The following DCAF6 variants were observed in gnomAD, a reference collection of about 807,000 sequenced individuals.
The protein encoded by DCAF6 is DDB1 and CUL4 associated factor 6.
Under a neutral mutation model 125.1 loss-of-function variants are expected in DCAF6, and 54 were observed. That is an observed-to-expected ratio of 0.43 (90% CI 0.35 to 0.54). The LOEUF (loss-of-function observed/expected upper bound fraction) is 0.54, where lower values mean the gene tolerates loss of function less well. Among genes scored for constraint, DCAF6 ranks in the 20% least tolerant of loss-of-function variants. The pLI, the probability that DCAF6 is intolerant of heterozygous loss-of-function variation, is 0.01. For missense variants in DCAF6, 934 were observed against 1,161.7 expected (o/e 0.80, Z 2.85); for synonymous variants, 371 against 390.4 (o/e 0.95, Z 0.58).
chr1:167,988,948 C>A (rs1329462579), intron 5 of DCAF6, among the ~76,000 whole-genome samples: 2 of 151,948 alleles, frequency 1.3e-5, no homozygotes, highest in South Asian at 4.2e-4. Context: ...GGCGTGGTGG[C>A]AGGTGCCTGT....
upstream of DCAF6, chr1:167,935,983 C>T: frequency 1.5e-6 from 1 of 674,396 alleles, no homozygotes; most frequent in Non-Finnish European, 2.6e-6. Flanking sequence ...CCGCGGCTTT[C>T]CCTGCCCGCT....
At position 167,955,006 on chromosome 1, in the gene DCAF6, C is replaced by T. The variant is rs182316946; in HGVS notation, c.159+3145C>T. ...TGCATTTTCTAGAATTTTAAATAAA[C>T]GGAATCATTGACTATGTATCCTTTT... On this transcript the variant is annotated intron_variant, in intron 2 of 21. Coordinates refer to ENST00000367840, the MANE Select transcript of DCAF6 (RefSeq NM_001198956.2). Among the ~76,000 whole-genome samples, 50 of 152,260 alleles carry T rather than the reference C, an allele frequency of 3.3e-4. 2 individuals carry two copies. In the South Asian group the frequency reaches 5.0e-3, roughly 15 times the overall value.
chr1:167,904,035 TCAAA>T, the DCAF6 span: 4 of 1,268,282 alleles, frequency 3.2e-6, no homozygotes, highest in Middle Eastern at 4.1e-4. Context: ...CTTGGGGGAA[TCAAA>T]CAGAGCCAGA....
At chr1:167,967,631 G>A (rs1403900197) in intron 3 of DCAF6, among the ~76,000 whole-genome samples, 1 of 147,024 alleles carries the variant, frequency 6.8e-6, no homozygotes, top group Non-Finnish European at 1.5e-5. Flanking sequence ...TTCCAGTTAA[G>A]AATAGGAATA....
At chr1:167,925,841 C>G in the DCAF6 span, among the ~76,000 whole-genome samples, 2 of 152,124 alleles carry the variant, frequency 1.3e-5, no homozygotes, top group African/African-American at 2.4e-5. Flanking sequence ...GCCACCGTGC[C>G]CGGCCACAAA....
chr1:167,925,440 C>CATATAT, the DCAF6 span, among the ~76,000 whole-genome samples: 23 of 49,644 alleles, frequency 4.6e-4, no homozygotes, highest in East Asian at 3.2e-3. Flanking sequence ...TATACATATA[C>CATATAT]ACATATATAT....
chr1:167,897,517 G>GTATATATATA, the DCAF6 span, among the ~76,000 whole-genome samples: 1 of 69,004 alleles, frequency 1.4e-5, no homozygotes, highest in African/African-American at 1.0e-4. Flanking sequence ...ATATATATAT[G>GTATATATATA]TATATATATA....
At chr1:168,010,411 G>T (rs1291684001) in intron 10 of DCAF6, among the ~76,000 whole-genome samples, 6 of 152,056 alleles carry the variant, frequency 3.9e-5, no homozygotes, top group African/African-American at 1.4e-4. Context: ...CACAGTGTTG[G>T]CTTTGGAGTT....
At chr1:167,957,145 G>A (rs1001007126) in intron 2 of DCAF6, among the ~76,000 whole-genome samples, 3 of 151,726 alleles carry the variant, frequency 2.0e-5, no homozygotes, top group Admixed American at 1.3e-4. Flanking sequence ...TAAAACTGAC[G>A]CATCTTAAGT....
At chr1:167,870,122 A>G in the DCAF6 span, 2 of 969,330 alleles carry the variant, frequency 2.1e-6, no homozygotes, top group Non-Finnish European at 3.2e-6. Context: ...TTATCTATTT[A>G]GCACAAGGGT....
At chr1:168,001,127 T>C (rs2103065286) in intron 7 of DCAF6, among the ~76,000 whole-genome samples, 1 of 152,078 alleles carries the variant, frequency 6.6e-6, no homozygotes, top group African/African-American at 2.4e-5. Context: ...ATAGCTAGAC[T>C]CCATCTCTAA....
At chr1:167,934,868 T>C (rs1276350507), upstream of DCAF6, among the ~76,000 whole-genome samples, 1 of 152,160 alleles carries the variant, frequency 6.6e-6, no homozygotes, top group Non-Finnish European at 1.5e-5. Context: ...ACAACTCACT[T>C]TATAGAAGAG....
chr1:167,893,805 C>T, the DCAF6 span: 1 of 1,294,838 alleles, frequency 7.7e-7, no homozygotes, highest in Non-Finnish European at 1.1e-6. Context: ...TTCCAGCTGT[C>T]CAGATCCCTG....
chr1:167,886,570 T>C, the DCAF6 span, among the ~76,000 whole-genome samples: 2 of 152,162 alleles, frequency 1.3e-5, no homozygotes, highest in Admixed American at 6.6e-5. Context: ...AAGACTTAAA[T>C]GTTAGACCTA....
chr1:167,900,272 G>C, the DCAF6 span, among the ~76,000 whole-genome samples: 3 of 152,084 alleles, frequency 2.0e-5, no homozygotes, highest in African/African-American at 7.2e-5. Flanking sequence ...TTCGCTCTCT[G>C]CTATACTGAT....
the DCAF6 span, among the ~76,000 whole-genome samples, chr1:167,911,796 G>C: frequency 2.0e-5 from 3 of 152,332 alleles, no homozygotes; most frequent in East Asian, 5.8e-4. Flanking sequence ...ATTTTAGTCA[G>C]TGTAGAGATG....
At chr1:167,880,717 G>C in the DCAF6 span, 2 of 787,198 alleles carry the variant, frequency 2.5e-6, no homozygotes, top group Non-Finnish European at 4.6e-6. Flanking sequence ...TTCTGAATCA[G>C]ATTTTATCAT....
chr1:168,063,438 T>C (rs1425659690), intron 17 of DCAF6, among the ~76,000 whole-genome samples, 183 bp from the exon 18 acceptor site: 3 of 152,316 alleles, frequency 2.0e-5, no homozygotes, highest in East Asian at 3.9e-4. Flanking sequence ...TACTTTGTTG[T>C]AGTAACTCAA....
the DCAF6 span, among the ~76,000 whole-genome samples, chr1:167,892,011 TC>T: frequency 1.3e-5 from 2 of 151,618 alleles, no homozygotes; most frequent in African/African-American, 4.9e-5. Flanking sequence ...TCTTGCTCTG[TC>T]CCCAAGGCTG....
Sources: gnomAD v4.1 joint callset for allele counts (sites outside exome capture counted in the v4.1 genomes callset) on GRCh38, gnomAD v4.1.1 for gene constraint, MANE v1.5 for transcripts, NCBI Gene and HGNC (gene_info 2026-07-23, HGNC 2026-07-21) for gene names.